Variants in HOMER3 observed in about 807,000 individuals in gnomAD.
HOMER3 encodes homer protein homolog 3.
A neutral mutation model predicts 45.5 loss-of-function variants in HOMER3; 34 were observed. The observed-to-expected ratio is 0.75, with a 90% CI of 0.57 to 1.00. The LOEUF (loss-of-function observed/expected upper bound fraction) is 1.00. Among genes scored for constraint, HOMER3 ranks in the 50% least tolerant of loss-of-function variants. The pLI, the probability that HOMER3 is intolerant of heterozygous loss-of-function variation, is 0.00. For synonymous variants in HOMER3, 223 were observed against 208.8 expected (o/e 1.07, Z -0.58); for missense variants, 480 against 497.5 (o/e 0.96, Z 0.33).
chr19:18,940,811 T>C (rs2057148248), intron 1 of HOMER3: 1 of 139,990 alleles, frequency 7.1e-6, no homozygotes, highest in Admixed American at 7.1e-5. Context: ...TGGGGACCTC[T>C]TCGCAGCCTC....
intron 6 of HOMER3, 41 bp from the exon 7 acceptor site, chr19:18,932,173 G>C: frequency 6.7e-7 from 1 of 1,496,182 alleles, no homozygotes; most frequent in Non-Finnish European, 9.0e-7. Context: ...ACACGGGGCT[G>C]GGGGGCGGAG....
chr19:18,937,308 T>TAAAAAAAA (rs535744160), intron 4 of HOMER3, among the ~76,000 whole-genome samples: 1 of 82,320 alleles, frequency 1.2e-5, no homozygotes, highest in Admixed American at 1.4e-4. Context: ...AAGATCTTGT[T>TAAAAAAAA]AAAAAAAAAA....
At chr19:18,936,140 C>T (rs929507023) in intron 4 of HOMER3, among the ~76,000 whole-genome samples, 12 of 150,002 alleles carry the variant, frequency 8.0e-5, no homozygotes, top group African/African-American at 2.7e-4. Flanking sequence ...ATGGTGAAAC[C>T]CCATGTCTAC....
At chr19:18,936,623 G>T (rs1335317954) in intron 4 of HOMER3, among the ~76,000 whole-genome samples, 1 of 150,104 alleles carries the variant, frequency 6.7e-6, no homozygotes. Context: ...CCGAGATCGG[G>T]CCACTGCACT....
At chr19:18,936,424 G>A (rs1305555632) in intron 4 of HOMER3, among the ~76,000 whole-genome samples, 1 of 151,258 alleles carries the variant, frequency 6.6e-6, no homozygotes, top group Non-Finnish European at 1.5e-5. Flanking sequence ...ATTACCTGAA[G>A]TCAGGAGTTT....
At position 18,929,671 on chromosome 19, in the gene HOMER3, C is replaced by T. The variant is rs959979694; in HGVS notation, c.895-37G>A. 3.4e-6 allele frequency: 5 copies of T among 1,457,446 alleles called. No homozygotes were observed. In the East Asian group the frequency reaches 7.6e-5, roughly 22 times the overall value. The allele number at this position is 1,457,446 out of a possible 1,614,324, so 90.3% of individuals were successfully genotyped here. ...GGGTGGGCAGGGTTGGGGGCCCCAACAAATCACCAGTCCTGCCCGAGGCAT... is the reference window on the plus strand; with the variant it reads ...GGGTGGGCAGGGTTGGGGGCCCCAATAAATCACCAGTCCTGCCCGAGGCAT... On this transcript the variant is annotated intron_variant, in intron 9 of 9. Coordinates refer to ENST00000392351, the MANE Select transcript of HOMER3 (RefSeq NM_004838.4).
intron 6 of HOMER3, 47 bp downstream of exon 6, chr19:18,932,877 C>G: frequency 1.3e-6 from 1 of 767,220 alleles, no homozygotes; most frequent in South Asian, 2.6e-5. Flanking sequence ...TCCTCGTCCC[C>G]CACCCCTACC....
In HOMER3 at chr19:18,929,372, G is replaced by C; in HGVS notation, c.*71C>G. ...CCCCAGTCCCTTTCCAGGACGAATG[G>C]GCCCAACTATGCCGCCTGCAGCCTG... On this transcript the variant is annotated 3_prime_UTR_variant, in exon 10 of 10. Coordinates refer to ENST00000392351, the MANE Select transcript of HOMER3 (RefSeq NM_004838.4). 1 of 1,536,852 alleles carries C rather than the reference G, an allele frequency of 6.5e-7. No homozygotes were observed. Among genetic ancestry groups the C allele is most frequent in the Non-Finnish European group, 8.9e-7 (1 of 1,125,416 alleles).
At chr19:18,940,367 G>A (rs945716226) in intron 1 of HOMER3, 1 of 151,416 alleles carries the variant, frequency 6.6e-6, no homozygotes, top group African/African-American at 2.5e-5. Flanking sequence ...GGCTCCCGGA[G>A]GGGGGTCCGA....
chr19:18,933,888 C>T (rs1166872459), intron 5 of HOMER3, among the ~76,000 whole-genome samples: 1 of 152,010 alleles, frequency 6.6e-6, no homozygotes, highest in Non-Finnish European at 1.5e-5. Context: ...TATTTTTTAG[C>T]AGAGGTGGAG....
intron 4 of HOMER3, among the ~76,000 whole-genome samples, chr19:18,937,327 A>C (rs2057103814): frequency 6.9e-6 from 1 of 145,200 alleles, no homozygotes; most frequent in Non-Finnish European, 1.5e-5. Context: ...AAAAAAAAAG[A>C]AGGGAGGGAG....
chr19:18,935,372 G>A (rs966525534), intron 4 of HOMER3, among the ~76,000 whole-genome samples: 1 of 151,984 alleles, frequency 6.6e-6, no homozygotes, highest in African/African-American at 2.4e-5. Flanking sequence ...TCCTGACCCC[G>A]TGATCCACCC....
Position 18,933,009 on chromosome 19 carries a change from C to G in HOMER3, c.448G>C (p.Gly150Arg). 2 of 1,484,936 alleles carry G rather than the reference C, an allele frequency of 1.3e-6. No individual in the cohort carries two copies. Among genetic ancestry groups the G allele is most frequent in the Non-Finnish European group, 1.8e-6 (2 of 1,122,514 alleles). 92.0% of individuals were successfully genotyped at this position (1,484,936 alleles called of 1,614,324 possible). A position where few individuals can be genotyped will look rare whatever the true frequency, so the allele number is the denominator to read the frequency against. Residue 150 changes from glycine to arginine, a missense_variant, in exon 6 of 10, where the codon GGC (glycine) becomes CGC (arginine). By Grantham distance (125) the Gly-to-Arg change is moderately radical. Coordinates refer to ENST00000392351, the MANE Select transcript of HOMER3 (RefSeq NM_004838.4). The part of the protein sequence containing the change: ...PSPLVSANGP[G>R]EEKLFRSQSA... ...TGGCTGCGGAACAGTTTTTCCTCGCCGGGGCCGTTGGCACTGACGAGAGGG... is the reference window on the plus strand; with the variant it reads ...TGGCTGCGGAACAGTTTTTCCTCGCGGGGGCCGTTGGCACTGACGAGAGGG...
chr19:18,929,767 A>G (rs2057010385), intron 9 of HOMER3, 133 bp from the exon 10 acceptor site: 1 of 630,198 alleles, frequency 1.6e-6, no homozygotes, highest in African/African-American at 1.9e-5. Flanking sequence ...CACCAGGAAT[A>G]AAATGCACAC....
intron 9 of HOMER3, 65 bp downstream of exon 9, chr19:18,931,260 G>T: frequency 1.5e-6 from 2 of 1,357,990 alleles, no homozygotes; most frequent in Non-Finnish European, 2.1e-6. Flanking sequence ...GGTAGATATT[G>T]TCCTGAGTGT....
intron 1 of HOMER3, 127 bp from the exon 2 acceptor site, chr19:18,939,176 C>A: frequency 3.5e-6 from 2 of 570,764 alleles, no homozygotes; most frequent in East Asian, 5.7e-5. Context: ...GCAGGAGAGG[C>A]CCAAAGTACA....
chr19:18,933,584 A>G (rs1408350959), intron 5 of HOMER3, among the ~76,000 whole-genome samples: 2 of 151,792 alleles, frequency 1.3e-5, no homozygotes, highest in East Asian at 3.9e-4. Context: ...CATCTCTCCA[A>G]CCCCTGTGCA....
At chr19:18,932,827 T>G (rs1033404917) in intron 6 of HOMER3, 97 bp downstream of exon 6, 1 of 984,484 alleles carries the variant, frequency 1.0e-6, no homozygotes, top group Non-Finnish European at 1.4e-6. Context: ...CACAGTTAGA[T>G]CCCGCCGTCC....
rs1477903495 is a variant in HOMER3 at position 18,934,402 on chromosome 19, C to A, written c.312G>T (p.Glu104Asp). ...CTGCTTCCTTCACTTCCTGGAACTTCTCGGCAAACTAAGGGAGTGGGGAGG... is the reference window on the plus strand; with the variant it reads ...CTGCTTCCTTCACTTCCTGGAACTTATCGGCAAACTAAGGGAGTGGGGAGG... ...ASEQHLTQFA[E>D]KFQEVKEAAR... Residue 104 changes from glutamate to aspartate, a missense_variant, in exon 5 of 10, where the codon GAG becomes GAT. Coordinates refer to ENST00000392351, the MANE Select transcript of HOMER3 (RefSeq NM_004838.4). The A allele has an allele frequency of 1.3e-6, 2 of 1,586,404 alleles. No individual in the cohort carries two copies. Among genetic ancestry groups the A allele is most frequent in the East Asian group, 4.7e-5 (2 of 42,460 alleles).
Sources: gnomAD v4.1 joint callset for allele counts (sites outside exome capture counted in the v4.1 genomes callset) on GRCh38, gnomAD v4.1.1 for gene constraint, MANE v1.5 for transcripts, NCBI Gene and HGNC (gene_info 2026-07-23, HGNC 2026-07-21) for gene names.